The following DLGAP1 variants were observed in gnomAD, a reference collection of about 807,000 sequenced individuals.
DLGAP1 encodes disks large-associated protein 1.
Under a neutral mutation model 90.8 loss-of-function variants are expected in DLGAP1, and 11 were observed. That is an observed-to-expected ratio of 0.12 (90% CI 0.08 to 0.20). The LOEUF (loss-of-function observed/expected upper bound fraction) is 0.20, where lower values mean the gene tolerates loss of function less well. DLGAP1 is among the 10% of genes least tolerant of loss of function. The pLI is 1.00. For synonymous variants in DLGAP1, 558 were observed against 540.7 expected, an observed-to-expected ratio of 1.03 and a Z score of -0.44; for missense variants, 1,050 against 1,333.8, an observed-to-expected ratio of 0.79 and a Z score of 3.31.
chr18:4,302,916 T>C (rs1293147868), intron 1 of DLGAP1, among the ~76,000 whole-genome samples: 6 of 152,186 alleles, frequency 3.9e-5, no homozygotes, highest in Non-Finnish European at 8.8e-5. Flanking sequence ...GAGTTTCCAG[T>C]GTTTATTTCT....
chr18:3,632,677 C>T (rs1296358216), intron 7 of DLGAP1, among the ~76,000 whole-genome samples: 3 of 152,158 alleles, frequency 2.0e-5, no homozygotes, highest in East Asian at 1.9e-4. Context: ...TCCTTGTATG[C>T]TTGGTTATTT....
At chr18:3,900,931 C>T (rs538045829) in intron 3 of DLGAP1, among the ~76,000 whole-genome samples, 1 of 152,126 alleles carries the variant, frequency 6.6e-6, no homozygotes, top group Non-Finnish European at 1.5e-5. Flanking sequence ...CGTTATTTTC[C>T]GTCCTCCAGG....
In DLGAP1 at chr18:3,880,048, G is replaced by A. The variant is rs373439259; in HGVS notation, c.21C>T (p.Ser7=). 2.5e-6 allele frequency: 4 copies of A among 1,603,162 alleles called. No homozygotes were observed. The highest frequency in any genetic ancestry group is 2.5e-6 in the Non-Finnish European group (3 of 1,179,780). Residue 7 remains serine, a synonymous_variant, in exon 4 of 13, where the codon AGC becomes AGT. Coordinates refer to ENST00000315677, the MANE Select transcript of DLGAP1 (RefSeq NM_004746.4). The part of the protein sequence containing the change: MKGLSG[S]RSHHHGVTCD... ...AGGTGACCCCGTGGTGATGGCTGCG[G>A]CTGCCTGATAGCCCTTTCATGGCGG...
intron 1 of DLGAP1, among the ~76,000 whole-genome samples, chr18:4,411,535 T>C (rs999879786): frequency 6.6e-6 from 1 of 152,204 alleles, no homozygotes; most frequent in African/African-American, 2.4e-5. Context: ...CTATTTTCCA[T>C]TGCTGCATAA....
chr18:3,742,949 T>TCTATCTTC (rs144171196), intron 5 of DLGAP1, among the ~76,000 whole-genome samples: 36 of 142,656 alleles, frequency 2.5e-4, no homozygotes, highest in African/African-American at 9.3e-4. Context: ...TATCAATTTA[T>TCTATCTTC]CTTCCTTCCT....
At chr18:3,731,094 T>A (rs2062407970) in intron 6 of DLGAP1, among the ~76,000 whole-genome samples, 1 of 152,164 alleles carries the variant, frequency 6.6e-6, no homozygotes, top group East Asian at 1.9e-4. Context: ...TTTTTTAAGG[T>A]TGCAATTATT....
intron 2 of DLGAP1, among the ~76,000 whole-genome samples, chr18:4,074,223 T>C (rs2075492101): frequency 6.6e-6 from 1 of 152,116 alleles, no homozygotes; most frequent in African/African-American, 2.4e-5. Flanking sequence ...GTAAGTATAT[T>C]CATGTCTTTG....
chr18:4,279,793 C>T (rs892296253), intron 1 of DLGAP1, among the ~76,000 whole-genome samples: 3 of 152,126 alleles, frequency 2.0e-5, no homozygotes, highest in African/African-American at 7.2e-5. Flanking sequence ...AAAACTTAAG[C>T]ATATCATCTC....
chr18:4,263,080 C>T (rs1247495649), intron 1 of DLGAP1, among the ~76,000 whole-genome samples: 5 of 152,162 alleles, frequency 3.3e-5, no homozygotes, highest in East Asian at 1.9e-4. Flanking sequence ...ACTACAGGCA[C>T]GTGCCACCAC....
intron 2 of DLGAP1, among the ~76,000 whole-genome samples, chr18:4,027,092 A>G (rs2149123129): frequency 6.6e-6 from 1 of 152,242 alleles, no homozygotes; most frequent in South Asian, 2.1e-4. Flanking sequence ...TAGCAGTAGG[A>G]TAGGGTACTA....
At chr18:4,407,696 T>G (rs371270974) in intron 1 of DLGAP1, among the ~76,000 whole-genome samples, 4 of 151,930 alleles carry the variant, frequency 2.6e-5, no homozygotes, top group African/African-American at 9.7e-5. Flanking sequence ...CTGGCCAACA[T>G]GGTGATACCC....
intron 1 of DLGAP1, among the ~76,000 whole-genome samples, chr18:4,266,113 A>AT (rs2079126904): frequency 6.6e-6 from 1 of 152,198 alleles, no homozygotes; most frequent in Non-Finnish European, 1.5e-5. Flanking sequence ...ACAAAAGATC[A>AT]TTTTGACCAT....
intron 1 of DLGAP1, among the ~76,000 whole-genome samples, chr18:4,384,757 A>G (rs915486209): frequency 2.0e-5 from 3 of 152,144 alleles, no homozygotes; most frequent in Admixed American, 6.6e-5. Context: ...GTGTCTTCTC[A>G]GAATACTATT....
At chr18:4,081,134 C>T (rs980660051) in intron 2 of DLGAP1, among the ~76,000 whole-genome samples, 7 of 152,154 alleles carry the variant, frequency 4.6e-5, no homozygotes, top group South Asian at 2.1e-4. Context: ...GTGATCCACC[C>T]GCCTCAGCCT....
chr18:3,865,938 G>C (rs946056600), intron 4 of DLGAP1, among the ~76,000 whole-genome samples: 3 of 152,158 alleles, frequency 2.0e-5, no homozygotes, highest in Non-Finnish European at 4.4e-5. Flanking sequence ...CATAAAAGTG[G>C]ATCCAGCATG....
chr18:4,418,368 A>C (rs2082951996), intron 1 of DLGAP1, among the ~76,000 whole-genome samples: 1 of 152,246 alleles, frequency 6.6e-6, no homozygotes. Context: ...AGTAAGCAGC[A>C]AAACCAGACT....
chr18:3,782,373 G>T (rs1379908072), intron 5 of DLGAP1, among the ~76,000 whole-genome samples: 2 of 152,224 alleles, frequency 1.3e-5, no homozygotes, highest in Non-Finnish European at 2.9e-5. Context: ...CTGACCTCAA[G>T]TGATCCGCCT....
chr18:3,924,361 C>T (rs1382619038), intron 3 of DLGAP1, among the ~76,000 whole-genome samples: 3 of 152,140 alleles, frequency 2.0e-5, no homozygotes, highest in East Asian at 1.9e-4. Context: ...GGTGTGGTGC[C>T]CTAGGTCCAC....
At chr18:3,733,260 T>C (rs2062510659) in intron 6 of DLGAP1, among the ~76,000 whole-genome samples, 1 of 152,216 alleles carries the variant, frequency 6.6e-6, no homozygotes, top group African/African-American at 2.4e-5. Flanking sequence ...CATTTAGTCT[T>C]AGTTCTACAA....
Sources: allele counts gnomAD v4.1 joint callset (sites outside exome capture counted in the v4.1 genomes callset), GRCh38; gene constraint gnomAD v4.1.1; transcripts MANE v1.5; gene names NCBI Gene and HGNC (gene_info 2026-07-23, HGNC 2026-07-21).